Variants in ABCG2 observed in about 807,000 individuals in gnomAD.
ABCG2 encodes the protein broad substrate specificity ATP-binding cassette transporter ABCG2.
In ABCG2, 80 loss-of-function variants were observed where a neutral mutation model predicts 73.5. That is an observed-to-expected ratio of 1.09 (90% CI 0.91 to 1.31). The LOEUF is 1.31. Among genes scored for constraint, ABCG2 ranks in the 50% most tolerant of loss-of-function variants. The pLI is 0.00. For synonymous variants in ABCG2, 269 were observed against 282.4 expected, an observed-to-expected ratio of 0.95 and a Z score of 0.48; for missense variants, 796 against 786.2, an observed-to-expected ratio of 1.01 and a Z score of -0.15.
rs921880109 is a variant in ABCG2, at chr4:88,156,822, G to A, written c.-20+1564C>T. Among the ~76,000 whole-genome samples the A allele has an allele frequency of 2.6e-4, 40 of 152,144 alleles. 1 individual carries two copies. Among genetic ancestry groups the A allele is most frequent in the Admixed American group, 2.3e-3 (35 of 15,272 alleles). ...AACATCATAGGTAATAAGAAGTATCGGCTAGGGCACAGTGGCTCACGCCTG... is the reference window on the plus strand; with the variant it reads ...AACATCATAGGTAATAAGAAGTATCAGCTAGGGCACAGTGGCTCACGCCTG... On this transcript the variant is annotated intron_variant, in intron 1 of 15. Transcript: ENST00000237612.
chr4:88,100,819 C>T lies in ABCG2; in HGVS notation c.1367+411G>A, dbSNP rs140341599. Among the ~76,000 whole-genome samples, 56 of 152,248 alleles carry T rather than the reference C, an allele frequency of 3.7e-4. No individual in the cohort carries two copies. The East Asian group carries it at 0.011, about 29-fold the overall frequency. ...CCACTTCCAAGTTGCTGCTTAATCT[C>T]TACCAAGCCCCTCAAACTTTTCTTG... is the stretch of plus-strand genomic sequence containing the variant. On this transcript the variant is annotated intron_variant, in intron 11 of 15. Coordinates refer to ENST00000237612, the MANE Select transcript of ABCG2 (RefSeq NM_004827.3).
At chr4:88,113,825 G>C (rs45497898) in intron 8 of ABCG2, among the ~76,000 whole-genome samples, 1 of 151,872 alleles carries the variant, frequency 6.6e-6, no homozygotes, top group Non-Finnish European at 1.5e-5. Context: ...TTAGCCTGGC[G>C]TGGTGGTGCG....
chr4:88,194,213 C>CT (rs958414152), intron 1 of ABCG2, among the ~76,000 whole-genome samples: 1 of 152,036 alleles, frequency 6.6e-6, no homozygotes, highest in African/African-American at 2.4e-5. Context: ...TGTGAAATGA[C>CT]TTTGAGAATG....
rs1404439173 is a variant in ABCG2 at position 88,097,726 on chromosome 4, A to G, written c.1493-119T>C. On this transcript the variant is annotated intron_variant, in intron 12 of 15. Transcript: ENST00000237612. ...AGAAACTAATATTAGAATGAAAAAA[A>G]GTCATCCACTCTCCAACCACCCTCG... 4 of 1,147,950 alleles carry G rather than the reference A, an allele frequency of 3.5e-6. No homozygotes were observed. The South Asian group carries it at 6.5e-5, about 19-fold the overall frequency. 71.1% of individuals were successfully genotyped at this position (1,147,950 alleles called of 1,614,324 possible).
chr4:88,229,167 C>A (rs939102381), intron 1 of ABCG2, among the ~76,000 whole-genome samples: 2 of 152,202 alleles, frequency 1.3e-5, no homozygotes, highest in African/African-American at 4.8e-5. Flanking sequence ...ACACTTGCTG[C>A]GAAGGTTTGC....
At chr4:88,211,360 C>T (rs1729585235) in intron 1 of ABCG2, among the ~76,000 whole-genome samples, 1 of 58,444 alleles carries the variant, frequency 1.7e-5, no homozygotes, top group Non-Finnish European at 4.1e-5. Context: ...CAACCCCTGC[C>T]CCACCCCCCC....
chr4:88,189,209 TTAG>T (rs1484932621), intron 1 of ABCG2, among the ~76,000 whole-genome samples: 2 of 152,188 alleles, frequency 1.3e-5, no homozygotes, highest in Admixed American at 6.6e-5. Flanking sequence ...AGTTGTTCTC[TTAG>T]TTTCCTTTTT....
At chr4:88,132,375 C>T (rs999847834) in intron 3 of ABCG2, among the ~76,000 whole-genome samples, 8 of 152,092 alleles carry the variant, frequency 5.3e-5, no homozygotes, top group Admixed American at 1.3e-4. Flanking sequence ...TTATCAAATC[C>T]TATTAGTAAA....
chr4:88,195,978 T>A (rs1003480209), intron 1 of ABCG2, among the ~76,000 whole-genome samples: 1 of 152,224 alleles, frequency 6.6e-6, no homozygotes, highest in African/African-American at 2.4e-5. Flanking sequence ...CCTGAGATCT[T>A]ATCAGGAAGT....
At chr4:88,220,654 T>A (rs1729982168) in intron 1 of ABCG2, 1 of 152,554 alleles carries the variant, frequency 6.6e-6, no homozygotes, top group African/African-American at 2.4e-5. Flanking sequence ...AGACCAGTGA[T>A]ATGGTTTGGC....
chr4:88,162,817 G>A (rs926426948), upstream of ABCG2, among the ~76,000 whole-genome samples: 4 of 152,198 alleles, frequency 2.6e-5, no homozygotes, highest in African/African-American at 9.7e-5. Flanking sequence ...TAAAGGTTAA[G>A]TGACTCACAG....
intron 1 of ABCG2, among the ~76,000 whole-genome samples, chr4:88,221,233 C>T (rs754826051): frequency 4.0e-5 from 5 of 124,284 alleles, no homozygotes; most frequent in Non-Finnish European, 8.4e-5. Context: ...CATGCCACTG[C>T]ACTCCGGCCT....
Position 88,115,009 on chromosome 4 carries a change from G to C in ABCG2, c.891C>G (p.Ile297Met), listed in dbSNP as rs144639395. Residue 297 changes from isoleucine to methionine, a missense_variant, in exon 8 of 16, where the codon ATC (isoleucine) becomes ATG (methionine). Coordinates refer to ENST00000237612, the MANE Select transcript of ABCG2 (RefSeq NM_004827.3). The stretch of plus-strand genomic sequence containing the variant: ...CCACAGCAGTGGAATCTCCATTAAT[G>C]ATGTCCAAGAAGAAGTCTGCAGGGT... The part of the protein sequence containing the change: ...YNNPADFFLD[I>M]INGDSTAVAL... 1.7e-5 allele frequency: 28 copies of C among 1,613,120 alleles called. No individual in the cohort carries two copies. The highest frequency in any genetic ancestry group is 2.4e-5 in the Non-Finnish European group (28 of 1,179,588).
At chr4:88,120,218 A>G (rs1244954046) in intron 6 of ABCG2, among the ~76,000 whole-genome samples, 1 of 152,220 alleles carries the variant, frequency 6.6e-6, no homozygotes, top group African/African-American at 2.4e-5. Context: ...ATGTCCAGGC[A>G]AAAGTCAACT....
chr4:88,207,820 C>T lies in ABCG2; in HGVS notation c.-20+23174G>A, dbSNP rs920492576. 6.6e-5 allele frequency among the ~76,000 whole-genome samples: 10 copies of T among 152,346 alleles called. 1 individual carries two copies. The highest frequency in any genetic ancestry group is 5.9e-4 in the Admixed American group (9 of 15,300). On this transcript the variant is annotated intron_variant, in intron 1 of 15. Transcript: ENST00000515655. ...TGAGCCTCCCAAAGTGCTGGAATTA[C>T]AGGCATAGCCACCGCACCCAACCTC...
chr4:88,139,709 C>T, intron 2 of ABCG2, 84 bp downstream of exon 2: 5 of 1,157,004 alleles, frequency 4.3e-6, no homozygotes, highest in Non-Finnish European at 6.2e-6. Context: ...ATGTTCATAG[C>T]CAGTTTCTTG....
At chr4:88,195,070 C>A (rs887410787) in intron 1 of ABCG2, among the ~76,000 whole-genome samples, 1 of 152,126 alleles carries the variant, frequency 6.6e-6, no homozygotes. Context: ...TTCTTTTACA[C>A]ATTTAAAATA....
At chr4:88,160,069 C>T (rs1246101145), upstream of ABCG2, among the ~76,000 whole-genome samples, 1 of 151,862 alleles carries the variant, frequency 6.6e-6, no homozygotes, top group East Asian at 1.9e-4. Flanking sequence ...ATGGTGAAAC[C>T]CTGCCTCTAC....
chr4:88,221,707 C>T (rs984850390), intron 1 of ABCG2, among the ~76,000 whole-genome samples: 1 of 152,044 alleles, frequency 6.6e-6, no homozygotes, highest in African/African-American at 2.4e-5. Flanking sequence ...TTGTCCCTGC[C>T]CTAGAGATCT....
Sources: allele counts gnomAD v4.1 joint callset (sites outside exome capture counted in the v4.1 genomes callset), GRCh38; gene constraint gnomAD v4.1.1; transcripts MANE v1.5; gene names NCBI Gene and HGNC (gene_info 2026-07-23, HGNC 2026-07-21).